The following HTR3B variants were observed in gnomAD, a reference collection of about 807,000 sequenced individuals.
HTR3B encodes the protein 5-hydroxytryptamine receptor 3B, also known as 5-hydroxytryptamine (serotonin) receptor 3B, ionotropic.
A neutral mutation model predicts 42.8 loss-of-function variants in HTR3B; 44 were observed. That is an observed-to-expected ratio of 1.03 (90% CI 0.81 to 1.32). HTR3B has a LOEUF of 1.32. HTR3B is among the 40% of genes most tolerant of loss of function. The pLI is 0.00. For missense variants in HTR3B, 527 were observed against 536.5 expected, an observed-to-expected ratio of 0.98 and a Z score of 0.17; for synonymous variants, 203 against 209.0, an observed-to-expected ratio of 0.97 and a Z score of 0.25.
At chr11:113,931,709 T>A (rs1950036143) in intron 3 of HTR3B, 49 bp from the exon 4 acceptor site, 1 of 1,044,352 alleles carries the variant, frequency 9.6e-7, no homozygotes. Context: ...TTTAGCGAAG[T>A]AGATATTGCC....
rs755938788 is a variant in HTR3B, at chr11:113,945,945, GA to G, written c.1136del (p.Lys379ArgfsTer66). ...AGCACCTGGCCCAGCCAGGAACCCT[GA>G]AGGAAGTCTGGTCGCAGCTTCAATC... ...GEHLAQPGTL[K>X]EVWSQLQSIS... is the part of the protein sequence containing the mutation. On this transcript the variant is annotated frameshift_variant, in exon 9 of 9. Coordinates refer to ENST00000260191, the MANE Select transcript of HTR3B (RefSeq NM_006028.5). LOFTEE classifies it low-confidence loss of function (END_TRUNC). The G allele has an allele frequency of 3.1e-6, 5 of 1,614,066 alleles. No individual in the cohort carries two copies. In the African/African-American group the frequency reaches 6.7e-5, roughly 22 times the overall value.
At position 113,945,980 on chromosome 11, in the gene HTR3B, A is replaced by T; in HGVS notation, c.1169A>T (p.Asn390Ile). 6.2e-7 allele frequency: 1 copy of T among 1,614,104 alleles called. No individual in the cohort carries two copies. Among genetic ancestry groups the T allele is most frequent in the Non-Finnish European group, 8.5e-7 (1 of 1,180,014 alleles). ...EVWSQLQSIS[N>I]YLQTQDQTDQ... ...TGGTCGCAGCTTCAATCTATCAGCA[A>T]CTACCTCCAAACTCAGGACCAGACA... Residue 390 changes from asparagine to isoleucine, a missense_variant, in exon 9 of 9, where the codon AAC becomes ATC. By Grantham distance (149) the Asn-to-Ile change is moderately radical. Transcript: ENST00000260191.
At chr11:113,938,617 A>G (rs1442608781) in intron 6 of HTR3B, among the ~76,000 whole-genome samples, 1 of 152,228 alleles carries the variant, frequency 6.6e-6, no homozygotes, top group Non-Finnish European at 1.5e-5. Context: ...TTTATTGAAC[A>G]AAGGAATAAA....
rs925205006 is a variant in HTR3B at position 113,948,538 on chromosome 11, A to C, written c.*2401A>C. On this transcript the variant is annotated 3_prime_UTR_variant, in exon 9 of 9. Coordinates refer to ENST00000260191, the MANE Select transcript of HTR3B (RefSeq NM_006028.5). ...CTACCCCTATCAAAGAGTTATGAGG[A>C]TCAAAATGAAAAAATGTATTGAACA... 3.3e-5 allele frequency among the ~76,000 whole-genome samples: 5 copies of C among 152,320 alleles called. No homozygotes were observed. Among genetic ancestry groups the C allele is most frequent in the Middle Eastern group, 3.4e-3 (1 of 294 alleles).
rs1950187715 is a variant in HTR3B at position 113,947,263 on chromosome 11, C to T, written c.*1126C>T. Among the ~76,000 whole-genome samples the T allele has an allele frequency of 1.3e-5, 2 of 152,028 alleles. No homozygotes were observed. Among genetic ancestry groups the T allele is most frequent in the Admixed American group, 1.3e-4 (2 of 15,258 alleles). Reference sequence around the variant, plus strand: ...GAACTACAGGTGCATGCCACCACACCCAGCTAATTTTCTGTATTTTAGTAG... The same window carrying T: ...GAACTACAGGTGCATGCCACCACACTCAGCTAATTTTCTGTATTTTAGTAG... On this transcript the variant is annotated 3_prime_UTR_variant, in exon 9 of 9. Transcript: ENST00000260191.
rs1950054456 is a variant in HTR3B at position 113,933,110 on chromosome 11, C to T, written c.696+17C>T. On this transcript the variant is annotated intron_variant, in intron 6 of 8. Coordinates refer to ENST00000260191, the MANE Select transcript of HTR3B (RefSeq NM_006028.5). ...CAGTTTAATGTAGGTTCTTTACTAC[C>T]TGTCCCCGTTGCCCGCTTCTCCCCA... is the stretch of plus-strand genomic sequence containing the variant. 1.2e-6 allele frequency: 2 copies of T among 1,606,462 alleles called. No individual in the cohort carries two copies. The highest frequency in any genetic ancestry group is 1.7e-6 in the Non-Finnish European group (2 of 1,175,084).
In HTR3B at chr11:113,943,193, G is replaced by A. The variant is rs1046885747; in HGVS notation, c.907+1G>A. ...AGTGTAGGGAGCACCCCTCTGATTG[G>A]TAAGCAGCCTCGGGGTCACTGGACA... On this transcript the variant is annotated splice_donor_variant, in intron 7 of 8. Transcript: ENST00000260191. LOFTEE classifies it high-confidence loss of function. 6.2e-7 allele frequency: 1 copy of A among 1,610,814 alleles called. No homozygotes were observed.
At chr11:113,920,694 TTAAG>T in intron 2 of HTR3B, among the ~76,000 whole-genome samples, 2 of 152,266 alleles carry the variant, frequency 1.3e-5, no homozygotes. Flanking sequence ...AATTATCCTA[TTAAG>T]TAAGAGTCCT....
intron 2 of HTR3B, among the ~76,000 whole-genome samples, chr11:113,924,351 C>T (rs1949946745): frequency 2.6e-5 from 4 of 152,154 alleles, no homozygotes. Flanking sequence ...CACGGTGGCT[C>T]ACACCTGTAA....
At chr11:113,929,462 G>A (rs1950009720) in intron 2 of HTR3B, among the ~76,000 whole-genome samples, 1 of 152,096 alleles carries the variant, frequency 6.6e-6, no homozygotes, top group South Asian at 2.1e-4. Context: ...TCACATGGTA[G>A]AGAGAGATCT....
intron 2 of HTR3B, among the ~76,000 whole-genome samples, chr11:113,922,808 G>C (rs543433040): frequency 6.6e-6 from 1 of 152,262 alleles, no homozygotes; most frequent in African/African-American, 2.4e-5. Flanking sequence ...GCCTGCCTTG[G>C]CCTCCCAAAG....
Position 113,946,052 on chromosome 11 carries a change from G to T in HTR3B, c.1241G>T (p.Arg414Leu). The T allele has an allele frequency of 6.2e-7, 1 of 1,613,986 alleles. No individual in the cohort carries two copies. Among genetic ancestry groups the T allele is most frequent in the Non-Finnish European group, 8.5e-7 (1 of 1,179,978 alleles). ...EWLVLLSRFD[R>L]LLFQSYLFML... ...CTGGTCCTCCTGTCCCGCTTTGACC[G>T]ACTGCTCTTCCAAAGCTACCTTTTC... is the stretch of plus-strand genomic sequence containing the variant. The change falls in exon 9 of 9, where the codon CGA becomes CTA. Residue 414 changes from arginine (R) to leucine (L), a missense_variant. Transcript: ENST00000260191.
chr11:113,942,546 A>G (rs562115336), intron 6 of HTR3B, among the ~76,000 whole-genome samples: 2 of 152,354 alleles, frequency 1.3e-5, no homozygotes, highest in African/African-American at 4.8e-5. Context: ...CTCACTTACC[A>G]GCTGGGTGAG....
intron 7 of HTR3B, 67 bp from the exon 8 acceptor site, chr11:113,944,505 GA>G: frequency 6.5e-7 from 1 of 1,534,112 alleles, no homozygotes; most frequent in Non-Finnish European, 8.9e-7. Context: ...TGTCCCTAAA[GA>G]AAACAAAAAA....
chr11:113,900,967 A>C (rs1162681477), upstream of HTR3B, among the ~76,000 whole-genome samples: 1 of 152,140 alleles, frequency 6.6e-6, no homozygotes, highest in Non-Finnish European at 1.5e-5. Context: ...CCCATGATCC[A>C]ATAACCTCTC....
intron 6 of HTR3B, among the ~76,000 whole-genome samples, chr11:113,938,025 C>T (rs1157519221): frequency 3.9e-5 from 6 of 152,062 alleles, no homozygotes; most frequent in African/African-American, 1.2e-4. Flanking sequence ...CTGGTAGATG[C>T]GTTGCTCCCG....
chr11:113,946,127 G>T lies in HTR3B; in HGVS notation c.1316G>T (p.Gly439Val). The T allele has an allele frequency of 6.2e-7, 1 of 1,612,176 alleles. No individual in the cohort carries two copies. The highest frequency in any genetic ancestry group is 8.5e-7 in the Non-Finnish European group (1 of 1,178,416). ...CTGTGCTCCCTCTGGGCACTGTGGG[G>T]CGGCGTGTGAAGACTGAAGTGTTCT... ...ITLCSLWALW[G>V]GV Residue 439 changes from glycine to valine, a missense_variant, in exon 9 of 9, where the codon GGC becomes GTC. By Grantham distance (109) the Gly-to-Val change is moderately radical (BLOSUM62 -3). Coordinates refer to ENST00000260191, the MANE Select transcript of HTR3B (RefSeq NM_006028.5).
intron 7 of HTR3B, among the ~76,000 whole-genome samples, chr11:113,943,619 G>A (rs1305600439): frequency 6.6e-6 from 1 of 151,922 alleles, no homozygotes; most frequent in African/African-American, 2.4e-5. Flanking sequence ...ACAGGCATGA[G>A]CCCACTGTGC....
At chr11:113,932,615 C>G (rs1283388995) in intron 5 of HTR3B, among the ~76,000 whole-genome samples, 157 bp downstream of exon 5, 1 of 150,534 alleles carries the variant, frequency 6.6e-6, no homozygotes, top group African/African-American at 2.5e-5. Context: ...TAATCCAGAC[C>G]AAGTATGATG....
Sources: allele counts gnomAD v4.1 joint callset (sites outside exome capture counted in the v4.1 genomes callset), GRCh38; gene constraint gnomAD v4.1.1; transcripts MANE v1.5; gene names NCBI Gene and HGNC (gene_info 2026-07-23, HGNC 2026-07-21).